The following GET1 variants were observed in gnomAD, a reference collection of about 807,000 sequenced individuals.
GET1 encodes guided entry of tail-anchored proteins factor 1.
In GET1, 20 loss-of-function variants were observed where a neutral mutation model predicts 22.6. The ratio of observed to expected loss-of-function variants is 0.89; its 90% confidence interval spans 0.62 to 1.29. The LOEUF (loss-of-function observed/expected upper bound fraction) is 1.29, where lower values mean the gene tolerates loss of function less well. GET1 is among the 50% of genes most tolerant of loss of function. GET1 has a pLI of 0.00. For missense variants in GET1, 209 were observed against 219.9 expected, an observed-to-expected ratio of 0.95 and a Z score of 0.31; for synonymous variants, 92 against 83.8, an observed-to-expected ratio of 1.10 and a Z score of -0.53.
chr21:39,423,037 T>G, intron 1 of GET1: 1 of 1,614,152 alleles, frequency 6.2e-7, no homozygotes, highest in Non-Finnish European at 8.5e-7. Flanking sequence ...ATGAGTGAGT[T>G]CTTCCCTTTC....
intron 1 of GET1, among the ~76,000 whole-genome samples, chr21:39,426,455 T>C (rs1396493151): frequency 6.6e-6 from 1 of 152,194 alleles, no homozygotes; most frequent in African/African-American, 2.4e-5. Flanking sequence ...ATTCAAGATC[T>C]CTTATTGTAA....
chr21:39,387,779 T>G (rs2038015841), intron 1 of GET1: 2 of 980,884 alleles, frequency 2.0e-6, no homozygotes, highest in Admixed American at 6.3e-5. Flanking sequence ...GCAGACACCC[T>G]CAGGCGACTG....
chr21:39,420,738 C>G (rs760290686), intron 1 of GET1: 2 of 1,613,152 alleles, frequency 1.2e-6, no homozygotes, highest in African/African-American at 2.7e-5. Flanking sequence ...TTTACTTCCA[C>G]CTGCAGAGTC....
chr21:39,382,197 A>C (rs955265265), intron 1 of GET1, among the ~76,000 whole-genome samples: 6 of 151,450 alleles, frequency 4.0e-5, no homozygotes, highest in Admixed American at 1.3e-4. Flanking sequence ...TGTGATTACC[A>C]GTACCTGCCA....
intron 1 of GET1, among the ~76,000 whole-genome samples, chr21:39,385,028 C>T (rs1333893482): frequency 2.0e-5 from 3 of 152,076 alleles, no homozygotes; most frequent in Non-Finnish European, 1.5e-5. Flanking sequence ...GTAAGGAACG[C>T]GCTGGTCTTC....
At chr21:39,406,133 C>A in exon 5 of GET1, 1 of 1,614,214 alleles carries the variant, frequency 6.2e-7, no homozygotes, top group Non-Finnish European at 8.5e-7. Flanking sequence ...AAAGTTGTAT[C>A]CTTCACTTTT....
Position 39,380,370 on chromosome 21 carries a change from C to T in GET1, c.-15C>T, listed in dbSNP as rs924479195. The T allele has an allele frequency of 1.1e-5, 17 of 1,590,006 alleles. No homozygotes were observed. The highest frequency in any genetic ancestry group is 1.4e-5 in the Non-Finnish European group (16 of 1,166,570). On this transcript the variant is annotated 5_prime_UTR_variant, in exon 1 of 5. Coordinates refer to ENST00000649170, the MANE Select transcript of GET1 (RefSeq NM_004627.6). ...AGCTGCCGTAGCGGACCCAGCACAG[C>T]CAGGAGCGTCCGGGATGAGCTCAGC...
intron 1 of GET1, among the ~76,000 whole-genome samples, chr21:39,388,258 C>A (rs977550027): frequency 2.0e-5 from 3 of 152,138 alleles, no homozygotes; most frequent in African/African-American, 7.2e-5. Flanking sequence ...GTCCCAGATG[C>A]TCAGGAGGCT....
At chr21:39,416,386 G>A (rs1181801326) in intron 1 of GET1, among the ~76,000 whole-genome samples, 1 of 152,156 alleles carries the variant, frequency 6.6e-6, no homozygotes, top group Admixed American at 6.5e-5. Context: ...TTCTAGATGG[G>A]CCTGAGTCCT....
intron 1 of GET1, among the ~76,000 whole-genome samples, chr21:39,414,742 C>CTGTGTGTGTGTGTGTGTGTGTG (rs66478742): frequency 2.0e-5 from 2 of 99,180 alleles, no homozygotes; most frequent in African/African-American, 4.4e-5. Flanking sequence ...CTCTCTCTCT[C>CTGTGTGTGTGTGTGTGTGTGTG]TGTGTGTGTG....
intron 1 of GET1, 169 bp downstream of exon 1, chr21:39,380,655 C>T (rs2037498216): frequency 7.0e-7 from 1 of 1,424,638 alleles, no homozygotes; most frequent in African/African-American, 1.4e-5. Context: ...AGGTACGACG[C>T]TTTACCCCAA....
chr21:39,396,782 CTT>C (rs1416274468), intron 4 of GET1, 82 bp from the exon 5 acceptor site: 2 of 1,243,946 alleles, frequency 1.6e-6, no homozygotes, highest in African/African-American at 3.0e-5. Flanking sequence ...GAAATACTCT[CTT>C]TGCTGTGAGT....
chr21:39,420,754 A>T (rs374211270), intron 1 of GET1: 45 of 1,613,476 alleles, frequency 2.8e-5, no homozygotes, highest in Non-Finnish European at 3.6e-5. Context: ...GAGTCTTGGT[A>T]GCTGTCTGAG....
intron 1 of GET1, among the ~76,000 whole-genome samples, chr21:39,415,350 A>G (rs1333448391): frequency 6.6e-6 from 1 of 152,142 alleles, no homozygotes; most frequent in Non-Finnish European, 1.5e-5. Flanking sequence ...TTCCCTTTGA[A>G]ACTTTATTAT....
downstream of GET1, among the ~76,000 whole-genome samples, chr21:39,407,285 G>A (rs2039241138): frequency 6.6e-6 from 1 of 152,152 alleles, no homozygotes; most frequent in African/African-American, 2.4e-5. Flanking sequence ...GACACAATGA[G>A]AACATTTTTC....
intron 1 of GET1, chr21:39,420,702 A>G: frequency 1.2e-6 from 2 of 1,607,232 alleles, no homozygotes; most frequent in South Asian, 1.1e-5. Context: ...TTTAAAAGAA[A>G]TACCTTAAGT....
intron 1 of GET1, chr21:39,386,034 G>A (rs1260287747): frequency 2.6e-5 from 4 of 152,414 alleles, no homozygotes; most frequent in Non-Finnish European, 5.9e-5. Context: ...CAGGCGCCAG[G>A]AGGCCCTTCC....
chr21:39,414,742 C>CTGTGTGTGTGTGTG (rs66478742), intron 1 of GET1, among the ~76,000 whole-genome samples: 65 of 99,220 alleles, frequency 6.6e-4, no homozygotes, highest in Middle Eastern at 6.1e-3. Context: ...CTCTCTCTCT[C>CTGTGTGTGTGTGTG]TGTGTGTGTG....
downstream of GET1, among the ~76,000 whole-genome samples, chr21:39,408,174 C>G (rs1342191626): frequency 6.6e-6 from 1 of 152,200 alleles, no homozygotes; most frequent in African/African-American, 2.4e-5. Context: ...AACATGAAAA[C>G]AATGAGCCAC....
Sources: gnomAD v4.1 joint callset for allele counts (sites outside exome capture counted in the v4.1 genomes callset) on GRCh38, gnomAD v4.1.1 for gene constraint, MANE v1.5 for transcripts, NCBI Gene and HGNC (gene_info 2026-07-23, HGNC 2026-07-21) for gene names.